The following TRPM6 variants were observed in gnomAD, a reference collection of about 807,000 sequenced individuals.
TRPM6 encodes the protein transient receptor potential cation channel subfamily M member 6, also known as channel kinase 2.
Under a neutral mutation model 247.6 loss-of-function variants are expected in TRPM6, and 111 were observed. That is an observed-to-expected ratio of 0.45 (90% CI 0.38 to 0.52). TRPM6 has a LOEUF of 0.52. Ranked by LOEUF, TRPM6 falls within the 20% of genes least tolerant of loss-of-function variation. TRPM6 has a pLI of 0.00. For synonymous variants in TRPM6, 892 were observed against 853.8 expected (o/e 1.04, Z -0.78); for missense variants, 2,126 against 2,421.5 (o/e 0.88, Z 2.56).
intron 23 of TRPM6, among the ~76,000 whole-genome samples, chr9:74,781,472 G>T (rs1443342009): frequency 6.3e-5 from 9 of 143,970 alleles, no homozygotes; most frequent in African/African-American, 2.3e-4. Context: ...GGAGGCAGAG[G>T]TTGCAGTGAG....
intron 32 of TRPM6, 141 bp downstream of exon 32, chr9:74,743,954 G>A (rs922864655): frequency 2.4e-6 from 2 of 831,600 alleles, no homozygotes; most frequent in African/African-American, 1.7e-5. Context: ...AAATTGGAAT[G>A]TTCTTCCCAT....
chr9:74,782,336 A>C, intron 23 of TRPM6, 26 bp downstream of exon 23: 1 of 1,531,332 alleles, frequency 6.5e-7, no homozygotes, highest in Non-Finnish European at 9.0e-7. Context: ...TTATTTAAAT[A>C]ATCATATTTA....
At chr9:74,834,661 A>G (rs140430534) in intron 5 of TRPM6, among the ~76,000 whole-genome samples, 1,459 of 119,898 alleles carry the variant, frequency 0.012, 25 homozygotes, top group African/African-American at 0.046. Context: ...CCCTATGTCC[A>G]AGTGTTCTCA....
intron 36 of TRPM6, among the ~76,000 whole-genome samples, chr9:74,735,437 G>T (rs1016126639): frequency 3.3e-5 from 5 of 151,998 alleles, no homozygotes; most frequent in South Asian, 2.1e-4. Flanking sequence ...CTTGTACATT[G>T]GTGGAAAGAA....
At position 74,803,818 on chromosome 9, in the gene TRPM6, T is replaced by C; in HGVS notation, c.1707A>G (p.Arg569=). ...CCTTGAATTTGTATGGCTGTGCAGTTCTAATGAACTGGGAGTGCAGCGTAC... is the reference window on the plus strand; with the variant it reads ...CCTTGAATTTGTATGGCTGTGCAGTCCTAATGAACTGGGAGTGCAGCGTAC... ...AESTLHSQFI[R]TAQPYKFKEK... is the part of the protein sequence containing the mutation. The change falls in exon 15 of 39, where the codon AGA becomes AGG. Residue 569 remains arginine (R), a synonymous_variant. Transcript: ENST00000360774. The C allele has an allele frequency of 6.2e-7, 1 of 1,612,998 alleles. No individual in the cohort carries two copies. Among genetic ancestry groups the C allele is most frequent in the Non-Finnish European group, 8.5e-7 (1 of 1,178,930 alleles).
Position 74,724,199 on chromosome 9 carries a change from C to A in TRPM6, c.*414G>T. On this transcript the variant is annotated 3_prime_UTR_variant, in exon 39 of 39. Coordinates refer to ENST00000360774, the MANE Select transcript of TRPM6 (RefSeq NM_017662.5). Reference sequence around the variant, plus strand: ...ACATATATATAGACATAAATACAATCTGTGGGTGAGGTGACAAATAGTAGT... The same window carrying A: ...ACATATATATAGACATAAATACAATATGTGGGTGAGGTGACAAATAGTAGT... The A allele has an allele frequency of 4.0e-6, 1 of 253,052 alleles. No homozygotes were observed. 15.7% of individuals were successfully genotyped at this position (253,052 alleles called of 1,614,324 possible). A position where few individuals can be genotyped will look rare whatever the true frequency, so the allele number is the denominator to read the frequency against.
chr9:74,782,598 G>C, intron 22 of TRPM6, 81 bp downstream of exon 22: 1 of 1,543,000 alleles, frequency 6.5e-7, no homozygotes, highest in South Asian at 1.1e-5. Context: ...TTAAGATTTA[G>C]ATGATTGTTT....
At chr9:74,803,193 T>C (rs1425703781) in intron 15 of TRPM6, among the ~76,000 whole-genome samples, 2 of 152,142 alleles carry the variant, frequency 1.3e-5, no homozygotes, top group African/African-American at 2.4e-5. Context: ...CTCTTTCAGC[T>C]AACATAATAA....
intron 36 of TRPM6, among the ~76,000 whole-genome samples, chr9:74,733,991 C>T (rs1217373989): frequency 6.6e-6 from 1 of 152,088 alleles, no homozygotes; most frequent in Non-Finnish European, 1.5e-5. Flanking sequence ...TGTGAATTTT[C>T]TAAACGTATA....
chr9:74,827,625 G>A (rs1829385428), intron 7 of TRPM6, 153 bp downstream of exon 7: 1 of 764,570 alleles, frequency 1.3e-6, no homozygotes, highest in African/African-American at 1.7e-5. Context: ...GAGAGGAGGG[G>A]AGATGCCCAT....
intron 24 of TRPM6, 50 bp from the exon 25 acceptor site, chr9:74,771,885 C>T: frequency 2.5e-6 from 4 of 1,573,598 alleles, no homozygotes; most frequent in Non-Finnish European, 3.5e-6. Context: ...CACCTCAGGG[C>T]ATGAGTGGCT....
chr9:74,739,848 T>G lies in TRPM6; in HGVS notation c.5362A>C (p.Thr1788Pro). ...GLRKAMRVVS[T>P]WSEDDILKPG... ...TTGAGAATGTCATCCTCAGACCAAG[T>G]GCTGACGACTCTCATAGCTTTACGG... Residue 1788 changes from threonine (T) to proline (P), a missense_variant, in exon 34 of 39, where the codon ACT (threonine) becomes CCT (proline). Transcript: ENST00000360774. 1 of 1,614,150 alleles carries G rather than the reference T, an allele frequency of 6.2e-7. No individual in the cohort carries two copies. Among genetic ancestry groups the G allele is most frequent in the Non-Finnish European group, 8.5e-7 (1 of 1,180,014 alleles).
chr9:74,807,882 A>G (rs1828585652), intron 14 of TRPM6, 152 bp downstream of exon 14: 1 of 870,656 alleles, frequency 1.1e-6, no homozygotes, highest in African/African-American at 1.7e-5. Context: ...AACACTTAGT[A>G]CAGTATACTT....
At chr9:74,810,716 A>G in intron 13 of TRPM6, 99 bp downstream of exon 13, 1 of 1,047,538 alleles carries the variant, frequency 9.5e-7, no homozygotes, top group Non-Finnish European at 1.5e-6. Flanking sequence ...TAACAAAACA[A>G]TCCAAATCTG....
chr9:74,855,446 C>G, intron 3 of TRPM6, 81 bp downstream of exon 3: 1 of 987,080 alleles, frequency 1.0e-6, no homozygotes. Context: ...TGAGTACATT[C>G]AAGATATGAG....
rs375252303 is a variant in TRPM6 at position 74,744,181 on chromosome 9, T to C, written c.5084-36A>G. The C allele has an allele frequency of 2.4e-5, 38 of 1,592,930 alleles. No individual in the cohort carries two copies. In the Middle Eastern group the frequency reaches 3.0e-3, roughly 125 times the overall value. On this transcript the variant is annotated intron_variant, in intron 31 of 38. Coordinates refer to ENST00000360774, the MANE Select transcript of TRPM6 (RefSeq NM_017662.5). The stretch of plus-strand genomic sequence containing the variant: ...AGAGGAGATTGGCATTTTAATTACA[T>C]GGCTGGAGATAAATACATGTTTATG...
chr9:74,727,966 C>T, intron 38 of TRPM6, among the ~76,000 whole-genome samples: 1 of 152,076 alleles, frequency 6.6e-6, no homozygotes, highest in South Asian at 2.1e-4. Flanking sequence ...CAGATTTCAT[C>T]CCATTTAAGT....
intron 9 of TRPM6, 135 bp from the exon 10 acceptor site, chr9:74,817,099 C>T (rs979364042): frequency 4.5e-6 from 4 of 882,144 alleles, no homozygotes; most frequent in Admixed American, 2.0e-5. Flanking sequence ...TTTTTACTTA[C>T]AGGAGAGAAA....
At chr9:74,866,322 C>T (rs552773824) in intron 1 of TRPM6, among the ~76,000 whole-genome samples, 27 of 151,990 alleles carry the variant, frequency 1.8e-4, no homozygotes, top group Admixed American at 5.3e-4. Context: ...ACTCATACCA[C>T]GTGTGTAACT....
Sources: allele counts gnomAD v4.1 joint callset (sites outside exome capture counted in the v4.1 genomes callset), GRCh38; gene constraint gnomAD v4.1.1; transcripts MANE v1.5; gene names NCBI Gene and HGNC (gene_info 2026-07-23, HGNC 2026-07-21).